Variants in PCCA observed in about 807,000 individuals in gnomAD.
The protein encoded by PCCA is propionyl-CoA carboxylase subunit alpha, also known as propionyl-CoA carboxylase alpha chain, mitochondrial.
A neutral mutation model predicts 101.3 loss-of-function variants in PCCA; 74 were observed. The observed-to-expected ratio is 0.73, with a 90% CI of 0.61 to 0.89. The LOEUF is 0.89. Ranked by LOEUF, PCCA falls within the 40% of genes least tolerant of loss-of-function variation. PCCA has a pLI of 0.00. For synonymous variants in PCCA, 294 were observed against 313.6 expected (o/e 0.94, Z 0.66); for missense variants, 891 against 907.0 (o/e 0.98, Z 0.23).
At chr13:100,391,356 G>A (rs767400647) in intron 19 of PCCA, among the ~76,000 whole-genome samples, 1 of 152,232 alleles carries the variant, frequency 6.6e-6, no homozygotes, top group African/African-American at 2.4e-5. Context: ...GATGGCTGCT[G>A]TGGGGGAAGA....
intron 21 of PCCA, among the ~76,000 whole-genome samples, chr13:100,501,096 C>T (rs150392980): frequency 6.2e-4 from 95 of 152,104 alleles, no homozygotes; most frequent in African/African-American, 2.2e-3. Flanking sequence ...GAGCCAAGAT[C>T]GCCAAGATCA....
chr13:100,162,878 G>A (rs896005002), intron 6 of PCCA, among the ~76,000 whole-genome samples: 1 of 152,110 alleles, frequency 6.6e-6, no homozygotes, highest in Non-Finnish European at 1.5e-5. Context: ...TTTTCTAGTT[G>A]TGACTTGTAC....
At chr13:100,312,113 G>A (rs2066964700) in intron 16 of PCCA, among the ~76,000 whole-genome samples, 1 of 152,172 alleles carries the variant, frequency 6.6e-6, no homozygotes, top group South Asian at 2.1e-4. Flanking sequence ...ATTAATAAAT[G>A]TTTGTTGGAT....
chr13:100,466,567 G>A (rs753498325), intron 21 of PCCA, among the ~76,000 whole-genome samples: 7 of 152,168 alleles, frequency 4.6e-5, no homozygotes, highest in Admixed American at 2.6e-4. Context: ...AAGTACCCTC[G>A]TTTGAAATAG....
chr13:100,296,959 A>G (rs1040795110), intron 12 of PCCA, among the ~76,000 whole-genome samples: 1 of 152,156 alleles, frequency 6.6e-6, no homozygotes, highest in Non-Finnish European at 1.5e-5. Context: ...TTCTCTCTCA[A>G]TCTGGAATAA....
At chr13:100,423,308 CA>C (rs1302229769) in intron 19 of PCCA, among the ~76,000 whole-genome samples, 4 of 152,190 alleles carry the variant, frequency 2.6e-5, no homozygotes, top group Non-Finnish European at 5.9e-5. Context: ...TCGGTTCAGC[CA>C]GCCCACCTTT....
chr13:100,513,449 A>T (rs1210393769), intron 21 of PCCA, among the ~76,000 whole-genome samples: 1 of 152,240 alleles, frequency 6.6e-6, no homozygotes, highest in African/African-American at 2.4e-5. Context: ...ATTCTTTTAC[A>T]TCTCTTTCCA....
rs1176427790 is a variant in PCCA, at chr13:100,425,025, G to A, written c.1747-608G>A. Among the ~76,000 whole-genome samples the A allele has an allele frequency of 4.0e-5, 6 of 151,572 alleles. No homozygotes were observed. The East Asian group carries it at 7.7e-4, about 20-fold the overall frequency. On this transcript the variant is annotated intron_variant, in intron 19 of 23. Coordinates refer to ENST00000376285, the MANE Select transcript of PCCA (RefSeq NM_000282.4). ...TTGGAAATTATTTTTTTTCTTTTAC[G>A]AGTATCCCTGTTTTGAAAGATTATG...
At chr13:100,478,907 C>CT (rs2083650477) in intron 21 of PCCA, among the ~76,000 whole-genome samples, 3 of 152,286 alleles carry the variant, frequency 2.0e-5, no homozygotes, top group Admixed American at 1.3e-4. Flanking sequence ...GAAATGGAAG[C>CT]TGACCAACTT....
intron 4 of PCCA, among the ~76,000 whole-genome samples, chr13:100,120,943 A>G (rs2049309358): frequency 6.6e-6 from 1 of 152,062 alleles, no homozygotes; most frequent in Non-Finnish European, 1.5e-5. Context: ...TGAACATGTG[A>G]TATTCTTCCA....
At chr13:100,143,538 A>AAAAAAAAAAAAAT (rs1238403421) in intron 4 of PCCA, among the ~76,000 whole-genome samples, 3 of 135,232 alleles carry the variant, frequency 2.2e-5, no homozygotes, top group Admixed American at 7.0e-5. Flanking sequence ...CTGCATCCAC[A>AAAAAAAAAAAAAT]AAAAAAAAAA....
At chr13:100,264,478 T>G (rs1186289414) in intron 10 of PCCA, among the ~76,000 whole-genome samples, 1 of 152,142 alleles carries the variant, frequency 6.6e-6, no homozygotes, top group Non-Finnish European at 1.5e-5. Flanking sequence ...TTAAATTGCA[T>G]AAATGAAATC....
chr13:100,289,809 CTCT>C (rs1231304060), intron 12 of PCCA, among the ~76,000 whole-genome samples: 1 of 152,094 alleles, frequency 6.6e-6, no homozygotes, highest in Admixed American at 6.5e-5. Context: ...TTTAGTTTAT[CTCT>C]TCTTTTTTAG....
At chr13:100,319,272 C>T (rs1309456720) in intron 16 of PCCA, among the ~76,000 whole-genome samples, 4 of 151,990 alleles carry the variant, frequency 2.6e-5, no homozygotes, top group Non-Finnish European at 5.9e-5. Context: ...AAATTTTCTC[C>T]CATTCTGTAG....
chr13:100,366,452 A>T (rs2075169249), intron 18 of PCCA, among the ~76,000 whole-genome samples: 1 of 152,236 alleles, frequency 6.6e-6, no homozygotes, highest in Admixed American at 6.5e-5. Context: ...GGAGCTGGAG[A>T]TACAAAAATA....
intron 19 of PCCA, among the ~76,000 whole-genome samples, chr13:100,395,617 T>G (rs1301500679): frequency 2.6e-5 from 4 of 152,216 alleles, no homozygotes; most frequent in African/African-American, 9.6e-5. Flanking sequence ...CAGGAATATT[T>G]TATTACATTT....
intron 4 of PCCA, among the ~76,000 whole-genome samples, chr13:100,112,419 G>A (rs984711202): frequency 4.6e-5 from 7 of 152,152 alleles, no homozygotes; most frequent in Middle Eastern, 3.2e-3. Context: ...ATCACTAAGG[G>A]AATGCTACAA....
chr13:100,408,581 A>C (rs7320936), intron 19 of PCCA, among the ~76,000 whole-genome samples: 4,832 of 152,330 alleles, frequency 0.032, 280 homozygotes, highest in African/African-American at 0.11. Flanking sequence ...AGGCAAAAGA[A>C]AACCCAGTCA....
intron 19 of PCCA, among the ~76,000 whole-genome samples, chr13:100,397,703 G>C (rs540008166): frequency 6.6e-6 from 1 of 152,166 alleles, no homozygotes; most frequent in Admixed American, 6.5e-5. Flanking sequence ...GGCTGTATTT[G>C]CTCTTGGCCA....
Sources: gnomAD v4.1 joint callset for allele counts (sites outside exome capture counted in the v4.1 genomes callset) on GRCh38, gnomAD v4.1.1 for gene constraint, MANE v1.5 for transcripts, NCBI Gene and HGNC (gene_info 2026-07-23, HGNC 2026-07-21) for gene names.